EML6: variants seen among roughly 807,000 people sequenced by gnomAD.
EML6 encodes the protein EMAP like 6, also known as echinoderm microtubule-associated protein-like 6.
In EML6, 154 loss-of-function variants were observed where a neutral mutation model predicts 240.1. The observed-to-expected ratio is 0.64, with a 90% confidence interval of 0.56 to 0.73. EML6 has a LOEUF of 0.73. Among genes scored for constraint, EML6 ranks in the 30% least tolerant of loss-of-function variants. The pLI, the probability that EML6 is intolerant of heterozygous loss-of-function variation, is 0.00. For synonymous variants in EML6, 1,148 were observed against 899.0 expected, an observed-to-expected ratio of 1.28 and a Z score of -4.95; for missense variants, 2,964 against 2,474.6, an observed-to-expected ratio of 1.20 and a Z score of -4.20.
At chr2:54,863,417 A>G (rs919884992) in intron 12 of EML6, among the ~76,000 whole-genome samples, 1 of 152,206 alleles carries the variant, frequency 6.6e-6, no homozygotes, top group African/African-American at 2.4e-5. Context: ...AGCTGCCAGG[A>G]GGCTGAGGTG....
chr2:54,883,430 C>T (rs1365216221), intron 17 of EML6, among the ~76,000 whole-genome samples: 3 of 152,122 alleles, frequency 2.0e-5, no homozygotes, highest in East Asian at 3.8e-4. Context: ...AGGCTACTGC[C>T]ACAGAAAGGG....
chr2:54,935,549 T>G (rs1187267078), intron 28 of EML6, among the ~76,000 whole-genome samples: 1 of 152,208 alleles, frequency 6.6e-6, no homozygotes, highest in Non-Finnish European at 1.5e-5. Context: ...CATTTAAAAC[T>G]TTACCCAATT....
At chr2:54,771,243 C>T (rs1386129360) in intron 2 of EML6, among the ~76,000 whole-genome samples, 1 of 152,162 alleles carries the variant, frequency 6.6e-6, no homozygotes, top group African/African-American at 2.4e-5. Flanking sequence ...AGCCTTTAAC[C>T]TGGACTGGCT....
intron 28 of EML6, among the ~76,000 whole-genome samples, chr2:54,943,779 T>TA (rs1675547723): frequency 6.6e-6 from 1 of 152,232 alleles, no homozygotes; most frequent in African/African-American, 2.4e-5. Flanking sequence ...ACTCGATATA[T>TA]TAAAAAATAT....
intron 3 of EML6, among the ~76,000 whole-genome samples, chr2:54,816,026 C>G (rs1304276493): frequency 6.6e-6 from 1 of 152,196 alleles, no homozygotes; most frequent in Non-Finnish European, 1.5e-5. Flanking sequence ...GTTAATTTTG[C>G]AAGGTGTTAT....
At chr2:54,871,447 T>C in intron 15 of EML6, 53 bp from the exon 16 acceptor site, 3 of 1,376,920 alleles carry the variant, frequency 2.2e-6, no homozygotes, top group South Asian at 2.5e-5. Flanking sequence ...AGGAACAAAA[T>C]CATTGTTAGT....
intron 2 of EML6, among the ~76,000 whole-genome samples, chr2:54,803,024 C>G (rs190622615): frequency 4.6e-5 from 7 of 152,250 alleles, no homozygotes; most frequent in Admixed American, 3.9e-4. Flanking sequence ...CCCCTCTTTC[C>G]TGCCCACTTA....
At chr2:54,782,820 T>G (rs11683128) in intron 2 of EML6, among the ~76,000 whole-genome samples, 2 of 152,226 alleles carry the variant, frequency 1.3e-5, no homozygotes, top group East Asian at 1.9e-4. Context: ...CTAGTGAGAA[T>G]GCTGGGTTCA....
intron 17 of EML6, chr2:54,882,857 CAAAAAA>C (rs200297583): frequency 6.3e-5 from 1 of 15,846 alleles, no homozygotes; most frequent in East Asian, 1.6e-3. Context: ...GACTCCGTCT[CAAAAAA>C]AAAAAAAAAA....
chr2:54,965,720 G>C (rs1676719430), intron 38 of EML6, among the ~76,000 whole-genome samples: 2 of 152,204 alleles, frequency 1.3e-5, no homozygotes, highest in African/African-American at 4.8e-5. Flanking sequence ...TGATCTGGGT[G>C]GGGCCAGCTG....
chr2:54,725,212 G>C lies in EML6; in HGVS notation c.151G>C (p.Glu51Gln). The change falls in exon 2 of 42, where the codon GAG (glutamate) becomes CAG (glutamine). Residue 51 changes from glutamate to glutamine, a missense_variant. Coordinates refer to ENST00000356458, the MANE Select transcript of EML6 (RefSeq NM_001039753.4). The surrounding 1 kb of genome is among the most constrained non-coding windows in gnomAD (Gnocchi z 4.3). ...GGTCGGGGTGGTTTACAACACCCGCGAGCACAGCCAAAAATTCTTCCTGGG... is the reference window on the plus strand; with the variant it reads ...GGTCGGGGTGGTTTACAACACCCGCCAGCACAGCCAAAAATTCTTCCTGGG... ...AGVGVVYNTR[E>Q]HSQKFFLGHN... 6.7e-7 allele frequency: 1 copy of C among 1,500,850 alleles called. No individual in the cohort carries two copies. The highest frequency in any genetic ancestry group is 8.9e-7 in the Non-Finnish European group (1 of 1,121,232). The allele number at this position is 1,500,850 out of a possible 1,614,324, so 93.0% of individuals were successfully genotyped here. A position where few individuals can be genotyped will look rare whatever the true frequency, so the allele number is the denominator to read the frequency against.
chr2:54,949,425 T>G (rs925519385), intron 29 of EML6, among the ~76,000 whole-genome samples: 7 of 152,176 alleles, frequency 4.6e-5, no homozygotes, highest in African/African-American at 1.2e-4. Flanking sequence ...CATTACTGTT[T>G]CCATTTTCCC....
chr2:54,934,641 C>CTGGGCTCAAGCA (rs1474621682), intron 28 of EML6, among the ~76,000 whole-genome samples: 112 of 152,196 alleles, frequency 7.4e-4, no homozygotes, highest in African/African-American at 2.6e-3. Flanking sequence ...CCTCAGCCTC[C>CTGGGCTCAAGCA]TGGGCTCAAG....
chr2:54,865,404 G>C (rs997172693), intron 13 of EML6, among the ~76,000 whole-genome samples: 13 of 151,856 alleles, frequency 8.6e-5, no homozygotes, highest in Admixed American at 3.9e-4. Flanking sequence ...CTGAGCCCAG[G>C]AGATTGAGGG....
At chr2:54,760,270 C>A (rs6712305) in intron 2 of EML6, among the ~76,000 whole-genome samples, 33,960 of 151,594 alleles carry the variant, frequency 0.22, 4,040 homozygotes, top group African/African-American at 0.32. Flanking sequence ...TGGTCTCCCT[C>A]CATGCTCCCC....
At chr2:54,931,702 A>G (rs188694944) in intron 28 of EML6, among the ~76,000 whole-genome samples, 10 of 152,316 alleles carry the variant, frequency 6.6e-5, no homozygotes, top group South Asian at 2.1e-4. Flanking sequence ...ACATGCACCA[A>G]TGAGACTAAT....
At chr2:54,827,510 A>G (rs1416681218) in intron 5 of EML6, 56 bp from the exon 6 acceptor site, 66 of 1,375,060 alleles carry the variant, frequency 4.8e-5, no homozygotes, top group East Asian at 7.5e-5. Flanking sequence ...ATAAACACCA[A>G]TGCAATACAT....
chr2:54,905,393 A>G (rs989786569), intron 24 of EML6, among the ~76,000 whole-genome samples: 2 of 149,910 alleles, frequency 1.3e-5, no homozygotes, highest in East Asian at 3.9e-4. Context: ...ACCTGATACA[A>G]TACGTGAAAT....
chr2:54,743,728 A>G (rs73934814), intron 2 of EML6, among the ~76,000 whole-genome samples: 5,941 of 152,276 alleles, frequency 0.039, 396 homozygotes, highest in African/African-American at 0.13. Flanking sequence ...AACTCCCACT[A>G]TAGGAATATT....
Sources: gnomAD v4.1 joint callset for allele counts (sites outside exome capture counted in the v4.1 genomes callset) on GRCh38, gnomAD v4.1.1 for gene constraint, Gnocchi (gnomAD v3.1) non-coding constraint, MANE v1.5 for transcripts, NCBI Gene and HGNC (gene_info 2026-07-23, HGNC 2026-07-21) for gene names.